RELN: variants seen among roughly 807,000 people sequenced by gnomAD.
RELN encodes the protein reelin.
A neutral mutation model predicts 427.6 loss-of-function variants in RELN; 108 were observed. That is an observed-to-expected ratio of 0.25 (90% CI 0.22 to 0.30). The LOEUF (loss-of-function observed/expected upper bound fraction) is 0.30, where lower values mean the gene tolerates loss of function less well. RELN is among the 10% of genes least tolerant of loss of function. The pLI is 1.00. For synonymous variants in RELN, 1,524 were observed against 1,513.4 expected, an observed-to-expected ratio of 1.01 and a Z score of -0.16; for missense variants, 3,715 against 4,302.8, an observed-to-expected ratio of 0.86 and a Z score of 3.82.
At chr7:103,763,824 G>T (rs74515280) in intron 4 of RELN, among the ~76,000 whole-genome samples, 1 of 152,062 alleles carries the variant, frequency 6.6e-6, no homozygotes, top group Non-Finnish European at 1.5e-5. Flanking sequence ...AGGCTGAACT[G>T]GGGGGAAACA....
intron 22 of RELN, among the ~76,000 whole-genome samples, chr7:103,606,472 A>G (rs1481966427): frequency 2.6e-5 from 4 of 152,174 alleles, no homozygotes; most frequent in Non-Finnish European, 5.9e-5. Flanking sequence ...AGGGGCTTGT[A>G]GTTCCTCACC....
In RELN at chr7:103,540,252, C is replaced by A; in HGVS notation, c.6875G>T (p.Arg2292Leu). ...LKARSGSTRL[R>L]WWQPSENGHF... ...CCCATTCTCAGACGGTTGCCACCAG[C>A]GAAGGCGAGTAGAACCAGAACGGGC... is the stretch of plus-strand genomic sequence containing the variant. Residue 2292 changes from arginine (R) to leucine (L), a missense_variant, in exon 44 of 65, where the codon CGC (arginine) becomes CTC (leucine). Physicochemically the swap from Arg to Leu is moderately radical, Grantham distance 102. Around this residue, in one of 4 missense-constraint regions of RELN, gnomAD observed 1,310 missense variants for 1,643.0 expected, o/e 0.80. Coordinates refer to ENST00000428762, the MANE Select transcript of RELN (RefSeq NM_005045.4). The A allele has an allele frequency of 1.2e-6, 2 of 1,614,160 alleles. No homozygotes were observed.
Position 103,635,559 on chromosome 7 carries a change from C to G in RELN, c.2331G>C (p.Gly777=), listed in dbSNP as rs769641220. ...SRFLQFTLRL[G]SKSVLSTCRA... ...TGCACGTGCTCAGAACAGATTTGCT[C>G]CCCAGTCTCAGTGTGAACTGGAGAA... Residue 777 remains glycine, a synonymous_variant, in exon 19 of 65, where the codon GGG becomes GGC. Transcript: ENST00000428762. 6.2e-7 allele frequency: 1 copy of G among 1,613,902 alleles called. No homozygotes were observed.
chr7:103,551,179 GGCT>G lies in RELN; in HGVS notation c.6187_6189del (p.Ser2063del). ...TCGGTGGAGCATAAAGAGCTGACGTGGCTGCTGCTGTGGTAGCAGAGGGGCAGC... is the reference window on the plus strand; with the variant it reads ...TCGGTGGAGCATAAAGAGCTGACGTGGCTGCTGTGGTAGCAGAGGGGCAGC... On this transcript the variant is annotated inframe_deletion, in exon 41 of 65. Transcript: ENST00000428762. 1.2e-5 allele frequency: 19 copies of G among 1,614,088 alleles called. No individual in the cohort carries two copies. Among genetic ancestry groups the G allele is most frequent in the Non-Finnish European group, 1.6e-5 (19 of 1,180,020 alleles).
chr7:103,774,905 G>C (rs1165660603), intron 4 of RELN, among the ~76,000 whole-genome samples: 1 of 152,132 alleles, frequency 6.6e-6, no homozygotes. Context: ...GTACCACTGT[G>C]TAAATCATGC....
intron 8 of RELN, among the ~76,000 whole-genome samples, chr7:103,707,911 G>A (rs1316717975): frequency 6.6e-6 from 1 of 152,162 alleles, no homozygotes; most frequent in African/African-American, 2.4e-5. Flanking sequence ...ATTTACCAGT[G>A]TAAAACAGTA....
At chr7:103,816,211 T>C (rs1409953880) in intron 3 of RELN, among the ~76,000 whole-genome samples, 1 of 151,986 alleles carries the variant, frequency 6.6e-6, no homozygotes, top group Non-Finnish European at 1.5e-5. Flanking sequence ...AAACCCCAGC[T>C]CTAGTAAACA....
chr7:103,907,899 T>C (rs1795252718), intron 2 of RELN, among the ~76,000 whole-genome samples: 1 of 152,048 alleles, frequency 6.6e-6, no homozygotes, highest in South Asian at 2.1e-4. Context: ...ACCCGTCATT[T>C]AGGTTTTACG....
intron 11 of RELN, among the ~76,000 whole-genome samples, chr7:103,675,275 T>G (rs1324820513): frequency 6.6e-6 from 1 of 152,080 alleles, no homozygotes. Context: ...CATGAGTGAA[T>G]TCCCATTCAC....
rs146562838 is a variant in RELN at position 103,680,478 on chromosome 7, C to T, written c.1289+1638G>A. 4.0e-5 allele frequency among the ~76,000 whole-genome samples: 6 copies of T among 151,498 alleles called. No individual in the cohort carries two copies. The East Asian group carries it at 1.2e-3, about 30-fold the overall frequency. The stretch of plus-strand genomic sequence containing the variant: ...TTGGATCCCCTCATCTGTGATCAAG[C>T]TCCATAATCAGGAAAGGGAGTCGAA... On this transcript the variant is annotated intron_variant, in intron 11 of 64. Transcript: ENST00000428762.
At chr7:103,476,812 C>T in intron 64 of RELN, 1 of 243,858 alleles carries the variant, frequency 4.1e-6, no homozygotes, top group Non-Finnish European at 8.8e-6. Context: ...ATTTGTGAGC[C>T]TATTTTTTGT....
At chr7:103,837,974 G>A (rs1205237703) in intron 2 of RELN, among the ~76,000 whole-genome samples, 2 of 152,054 alleles carry the variant, frequency 1.3e-5, no homozygotes, top group East Asian at 1.9e-4. Flanking sequence ...TTGGGAGGCC[G>A]AGGTGGGTGG....
At chr7:103,495,449 CATG>C (rs760981480) in intron 57 of RELN, among the ~76,000 whole-genome samples, 29,794 of 151,996 alleles carry the variant, frequency 0.2, 2,989 homozygotes, top group South Asian at 0.29. Context: ...GGATTATAGG[CATG>C]GTTCCACTGC....
At chr7:103,588,841 G>C (rs984613059) in intron 28 of RELN, among the ~76,000 whole-genome samples, 28 of 152,178 alleles carry the variant, frequency 1.8e-4, no homozygotes, top group Non-Finnish European at 3.8e-4. Context: ...TCCCGTCACA[G>C]GACTTCTGCA....
chr7:103,713,116 C>G (rs1163237781), intron 8 of RELN, among the ~76,000 whole-genome samples: 3 of 152,078 alleles, frequency 2.0e-5, no homozygotes, highest in African/African-American at 7.2e-5. Flanking sequence ...AAAATCACTG[C>G]CAGAAATCAC....
chr7:103,920,566 G>GTT (rs1563092030), intron 1 of RELN, among the ~76,000 whole-genome samples: 5 of 114,686 alleles, frequency 4.4e-5, no homozygotes, highest in East Asian at 4.2e-4. Context: ...ACCAGTCTTT[G>GTT]GTTTTTTTTT....
intron 2 of RELN, among the ~76,000 whole-genome samples, chr7:103,838,574 T>G (rs1793471971): frequency 6.6e-6 from 1 of 152,084 alleles, no homozygotes; most frequent in Admixed American, 6.5e-5. Flanking sequence ...CTCAATAGCG[T>G]GACTCAGGAG....
At chr7:103,683,218 T>G (rs1833691648) in intron 10 of RELN, among the ~76,000 whole-genome samples, 1 of 152,160 alleles carries the variant, frequency 6.6e-6, no homozygotes, top group Non-Finnish European at 1.5e-5. Flanking sequence ...CAGTCAAGCC[T>G]AGGGACTGTG....
Position 103,589,778 on chromosome 7 carries a change from A to G in RELN, c.3963T>C (p.Leu1321=). ...NQFSSTAPVL[L]QYSHDAGMSW... ...ACATACCAGCATCATGAGAGTACTG[A>G]AGAAGAACTGGAGCAGTACTGCTGA... The change falls in exon 28 of 65, where the codon CTT becomes CTC. Residue 1321 remains leucine, a synonymous_variant. Coordinates refer to ENST00000428762, the MANE Select transcript of RELN (RefSeq NM_005045.4). 6.2e-7 allele frequency: 1 copy of G among 1,613,340 alleles called. No individual in the cohort carries two copies. The highest frequency in any genetic ancestry group is 1.1e-5 in the South Asian group (1 of 91,076).
Sources: gnomAD v4.1 joint callset for allele counts (sites outside exome capture counted in the v4.1 genomes callset) on GRCh38, gnomAD v4.1.1 for gene constraint, gnomAD v4.1.1 regional missense constraint, MANE v1.5 for transcripts, NCBI Gene and HGNC (gene_info 2026-07-23, HGNC 2026-07-21) for gene names.